The following MAP2K4 variants were observed in gnomAD, a reference collection of about 807,000 sequenced individuals.
MAP2K4 encodes mitogen-activated protein kinase kinase 4, also known as dual specificity mitogen-activated protein kinase kinase 4.
Under a neutral mutation model 48.5 loss-of-function variants are expected in MAP2K4, and 4 were observed. That is an observed-to-expected ratio of 0.08 (90% CI 0.04 to 0.19). The LOEUF (loss-of-function observed/expected upper bound fraction) is 0.19. Ranked by LOEUF, MAP2K4 falls within the 10% of genes least tolerant of loss-of-function variation. MAP2K4 has a pLI of 1.00. For missense variants in MAP2K4, 258 were observed against 493.3 expected, an observed-to-expected ratio of 0.52 and a Z score of 4.52; for synonymous variants, 166 against 173.1, an observed-to-expected ratio of 0.96 and a Z score of 0.32.
At chr17:12,089,037 C>T (rs1296732815) in intron 3 of MAP2K4, among the ~76,000 whole-genome samples, 1 of 151,784 alleles carries the variant, frequency 6.6e-6, no homozygotes. Context: ...TCAGCCTCCC[C>T]AGCAGCTGGG....
At chr17:12,060,161 G>C (rs918952026) in intron 2 of MAP2K4, among the ~76,000 whole-genome samples, 3 of 150,896 alleles carry the variant, frequency 2.0e-5, no homozygotes, top group Admixed American at 6.6e-5. Context: ...TTGAGACTCT[G>C]TCTCTATTAA....
intron 1 of MAP2K4, among the ~76,000 whole-genome samples, chr17:12,038,752 G>T (rs932199235): frequency 6.6e-6 from 1 of 152,142 alleles, no homozygotes; most frequent in Non-Finnish European, 1.5e-5. Context: ...AGTTAATATA[G>T]ATGAGGAAAC....
intron 1 of MAP2K4, among the ~76,000 whole-genome samples, chr17:12,029,995 G>A (rs1567623416): frequency 6.6e-6 from 1 of 151,912 alleles, no homozygotes; most frequent in Non-Finnish European, 1.5e-5. Context: ...CTAAGAACTT[G>A]CATTTTGTAA....
intron 7 of MAP2K4, chr17:12,124,499 G>A (rs1376557948): frequency 2.0e-5 from 3 of 152,118 alleles, no homozygotes; most frequent in African/African-American, 7.2e-5. Flanking sequence ...TTATTGTGAA[G>A]TATGGGTGGA....
intron 7 of MAP2K4, among the ~76,000 whole-genome samples, chr17:12,114,059 C>T (rs1048539757): frequency 2.0e-5 from 3 of 152,156 alleles, no homozygotes; most frequent in Non-Finnish European, 2.9e-5. Context: ...CTAAATGTGA[C>T]ACATAAGGTT....
chr17:12,071,639 C>T (rs2151540152), intron 2 of MAP2K4, among the ~76,000 whole-genome samples: 1 of 152,178 alleles, frequency 6.6e-6, no homozygotes, highest in South Asian at 2.1e-4. Context: ...AAATGGTTGG[C>T]ACAAAAACAA....
At chr17:12,069,569 G>C in intron 2 of MAP2K4, 1 of 227,040 alleles carries the variant, frequency 4.4e-6, no homozygotes, top group Non-Finnish European at 7.6e-6. Flanking sequence ...CACTAAATAT[G>C]AGTATCAGAA....
At chr17:12,076,635 C>A (rs1971020011) in intron 2 of MAP2K4, among the ~76,000 whole-genome samples, 1 of 152,126 alleles carries the variant, frequency 6.6e-6, no homozygotes, top group Non-Finnish European at 1.5e-5. Flanking sequence ...ATTAAGTATT[C>A]TATCTATAAT....
At chr17:12,108,802 A>G (rs544275786) in intron 5 of MAP2K4, among the ~76,000 whole-genome samples, 6 of 152,162 alleles carry the variant, frequency 3.9e-5, no homozygotes, top group Non-Finnish European at 8.8e-5. Flanking sequence ...TAATTTCATA[A>G]AAAGATTTTA....
rs574474337 is a variant in MAP2K4, at chr17:12,100,361, A to G, written c.513+4667A>G. ...TTTTTCAGTTTGTCGTCTTTCATTC[A>G]GTATAATTATCTTGCATTTATCAGT... On this transcript the variant is annotated intron_variant, in intron 4 of 10. Coordinates refer to ENST00000353533, the MANE Select transcript of MAP2K4 (RefSeq NM_003010.4). Among the ~76,000 whole-genome samples, 43 of 152,260 alleles carry G rather than the reference A, an allele frequency of 2.8e-4. No individual in the cohort carries two copies. In the South Asian group the frequency reaches 8.5e-3, roughly 30 times the overall value.
intron 1 of MAP2K4, among the ~76,000 whole-genome samples, chr17:12,045,581 T>A (rs28918099): frequency 6.4e-4 from 97 of 152,354 alleles, no homozygotes; most frequent in African/African-American, 2.2e-3. Flanking sequence ...GTAAGATTGC[T>A]ACTAAAAAAA....
intron 3 of MAP2K4, among the ~76,000 whole-genome samples, chr17:12,089,036 C>G (rs1971476022): frequency 6.6e-6 from 1 of 151,900 alleles, no homozygotes; most frequent in South Asian, 2.1e-4. Context: ...CTCAGCCTCC[C>G]CAGCAGCTGG....
At chr17:12,115,822 C>T (rs1597482916) in intron 7 of MAP2K4, 2 of 722,100 alleles carry the variant, frequency 2.8e-6, no homozygotes, top group East Asian at 2.7e-5. Context: ...CTGACAGGAG[C>T]TGCACTGTGC....
At chr17:12,048,946 CGT>C (rs1160551639) in intron 1 of MAP2K4, among the ~76,000 whole-genome samples, 6 of 152,116 alleles carry the variant, frequency 3.9e-5, no homozygotes, top group African/African-American at 1.4e-4. Context: ...CATGAGCCAC[CGT>C]GCCTGACCTA....
rs532118220 is a variant in MAP2K4, at chr17:12,074,872, G to A, written c.219-6484G>A. Reference sequence around the variant, plus strand: ...TGTAGGGCTCACCTTACATATTTCCGGTCTTTCAGTGTCTGCTGCCCTTTG... The same window carrying A: ...TGTAGGGCTCACCTTACATATTTCCAGTCTTTCAGTGTCTGCTGCCCTTTG... On this transcript the variant is annotated intron_variant, in intron 2 of 10. Coordinates refer to ENST00000353533, the MANE Select transcript of MAP2K4 (RefSeq NM_003010.4). Among the ~76,000 whole-genome samples, 13 of 152,226 alleles carry A rather than the reference G, an allele frequency of 8.5e-5. 1 individual carries two copies. Among genetic ancestry groups the A allele is most frequent in the African/African-American group, 1.2e-4 (5 of 41,542 alleles).
intron 2 of MAP2K4, among the ~76,000 whole-genome samples, chr17:12,075,343 T>C (rs1970966387): frequency 6.6e-6 from 1 of 152,228 alleles, no homozygotes; most frequent in South Asian, 2.1e-4. Flanking sequence ...ATATAAATGA[T>C]ACTGCATGAC....
chr17:12,082,096 T>A (rs1971208560), intron 3 of MAP2K4: 1 of 331,286 alleles, frequency 3.0e-6, no homozygotes, highest in Non-Finnish European at 6.6e-6. Context: ...TGTGATAATG[T>A]TGTCACATTT....
rs1363833074 is a variant in MAP2K4, at chr17:12,142,064, G to T, written c.*804G>T. On this transcript the variant is annotated 3_prime_UTR_variant, in exon 11 of 11. Transcript: ENST00000353533. Reference sequence around the variant, plus strand: ...TTTCATTCTCAGAATTCGGTGTGCTGCCAACTTGATGTTCCACCTGCCACA... The same window carrying T: ...TTTCATTCTCAGAATTCGGTGTGCTTCCAACTTGATGTTCCACCTGCCACA... 2 of 233,150 alleles carry T rather than the reference G, an allele frequency of 8.6e-6. No homozygotes were observed. The highest frequency in any genetic ancestry group is 1.7e-5 in the Non-Finnish European group (2 of 117,842). 14.4% of individuals were successfully genotyped at this position (233,150 alleles called of 1,614,324 possible). A position where few individuals can be genotyped will look rare whatever the true frequency, so the allele number is the denominator to read the frequency against.
intron 1 of MAP2K4, among the ~76,000 whole-genome samples, chr17:12,022,425 TTCC>T (rs1232573657): frequency 1.3e-5 from 2 of 152,210 alleles, no homozygotes; most frequent in Non-Finnish European, 2.9e-5. Flanking sequence ...TAAGATTGAC[TTCC>T]TGACTGTACA....
Sources: allele counts gnomAD v4.1 joint callset (sites outside exome capture counted in the v4.1 genomes callset), GRCh38; gene constraint gnomAD v4.1.1; transcripts MANE v1.5; gene names NCBI Gene and HGNC (gene_info 2026-07-23, HGNC 2026-07-21).